HDAC9: variants seen among roughly 807,000 people sequenced by gnomAD.
The protein encoded by HDAC9 is MEF-2 interacting transcription repressor (MITR) protein.
In HDAC9, 41 loss-of-function variants were observed where a neutral mutation model predicts 139.4. That is an observed-to-expected ratio of 0.29 (90% CI 0.23 to 0.38). The LOEUF is 0.38. HDAC9 is among the 10% of genes least tolerant of loss of function. The probability of loss-of-function intolerance (pLI) is 1.00; values close to 1 mark genes in which losing one functional copy is unlikely to be tolerated. For missense variants in HDAC9, 1,147 were observed against 1,297.0 expected, an observed-to-expected ratio of 0.88 and a Z score of 1.78; for synonymous variants, 517 against 476.2, an observed-to-expected ratio of 1.09 and a Z score of -1.12.
At chr7:18,100,955 C>A (rs1782816828) in intron 1 of HDAC9, among the ~76,000 whole-genome samples, 1 of 152,042 alleles carries the variant, frequency 6.6e-6, no homozygotes, top group Non-Finnish European at 1.5e-5. Context: ...GTACTCTACC[C>A]AACACCCCAT....
At chr7:18,424,272 T>G (rs1293407318) in intron 1 of HDAC9, among the ~76,000 whole-genome samples, 2 of 152,150 alleles carry the variant, frequency 1.3e-5, no homozygotes, top group Non-Finnish European at 2.9e-5. Flanking sequence ...GCAAACAGAT[T>G]TAGGTTCAAA....
chr7:18,835,166 G>A (rs1208180266), intron 19 of HDAC9, among the ~76,000 whole-genome samples: 2 of 152,082 alleles, frequency 1.3e-5, no homozygotes, highest in Non-Finnish European at 2.9e-5. Flanking sequence ...TGTACCAAAG[G>A]ACTGGGCTTT....
chr7:18,452,744 C>G (rs1183948170), intron 1 of HDAC9, among the ~76,000 whole-genome samples: 1 of 152,108 alleles, frequency 6.6e-6, no homozygotes, highest in Admixed American at 6.6e-5. Flanking sequence ...GGCAGTTCCC[C>G]TGCACATGCT....
At chr7:18,678,077 A>T (rs764203168) in intron 12 of HDAC9, among the ~76,000 whole-genome samples, 1 of 151,878 alleles carries the variant, frequency 6.6e-6, no homozygotes, top group East Asian at 1.9e-4. Context: ...CCTTTGAATT[A>T]TTCTGGTCTA....
chr7:18,680,159 C>G (rs769256938), intron 12 of HDAC9, among the ~76,000 whole-genome samples: 1 of 151,930 alleles, frequency 6.6e-6, no homozygotes, highest in African/African-American at 2.4e-5. Flanking sequence ...TGTTCTTGAC[C>G]AAAAGCCTAG....
At chr7:18,494,737 C>G (rs1246472497), upstream of HDAC9, among the ~76,000 whole-genome samples, 1 of 152,038 alleles carries the variant, frequency 6.6e-6, no homozygotes, top group African/African-American at 2.4e-5. Flanking sequence ...GTTAGGAGGT[C>G]CATATTTCGG....
At chr7:18,563,112 G>A (rs921506370) in intron 2 of HDAC9, among the ~76,000 whole-genome samples, 1 of 151,980 alleles carries the variant, frequency 6.6e-6, no homozygotes, top group Non-Finnish European at 1.5e-5. Flanking sequence ...TTTTGTGATG[G>A]CTAAGAAAGG....
intron 1 of HDAC9, among the ~76,000 whole-genome samples, chr7:18,135,446 T>TC (rs1338844354): frequency 9.9e-6 from 1 of 101,068 alleles, no homozygotes; most frequent in Non-Finnish European, 1.9e-5. Context: ...ATGCTATCCC[T>TC]CCCCCCTCCC....
At chr7:18,176,558 A>G (rs1480645498) in intron 2 of HDAC9, among the ~76,000 whole-genome samples, 2 of 152,162 alleles carry the variant, frequency 1.3e-5, no homozygotes, top group African/African-American at 4.8e-5. Flanking sequence ...CTATCATTTT[A>G]TGTGTATTGA....
intron 6 of HDAC9, among the ~76,000 whole-genome samples, chr7:18,625,946 C>CAAAAAAA (rs11312304): frequency 4.9e-5 from 3 of 60,976 alleles, no homozygotes; most frequent in African/African-American, 8.5e-5. Context: ...GACTCCATCT[C>CAAAAAAA]AAAAAAAAAA....
chr7:18,723,606 T>G (rs1785301487), intron 12 of HDAC9, among the ~76,000 whole-genome samples: 1 of 152,190 alleles, frequency 6.6e-6, no homozygotes, highest in South Asian at 2.1e-4. Flanking sequence ...TACTGAATTG[T>G]GAAATTTTAT....
At chr7:18,440,808 A>C (rs187896238) in intron 1 of HDAC9, among the ~76,000 whole-genome samples, 27 of 152,338 alleles carry the variant, frequency 1.8e-4, no homozygotes, top group Admixed American at 6.5e-4. Flanking sequence ...AAGACATGTA[A>C]AACTCAGGAA....
intron 2 of HDAC9, among the ~76,000 whole-genome samples, chr7:18,178,633 T>C (rs1448913984): frequency 6.6e-6 from 1 of 152,218 alleles, no homozygotes; most frequent in East Asian, 1.9e-4. Flanking sequence ...TGTATTGTGG[T>C]TAAGAATAGT....
At chr7:18,979,501 A>G (rs1784759472) in intron 25 of HDAC9, among the ~76,000 whole-genome samples, 1 of 152,220 alleles carries the variant, frequency 6.6e-6, no homozygotes, top group African/African-American at 2.4e-5. Flanking sequence ...GTACTTGTTT[A>G]GGTAACTAAG....
At chr7:18,665,756 G>T (rs192721314) in intron 11 of HDAC9, among the ~76,000 whole-genome samples, 1,852 of 152,162 alleles carry the variant, frequency 0.012, 34 homozygotes, top group African/African-American at 0.042. Flanking sequence ...AAGACTATTA[G>T]CATTTGTGTT....
intron 12 of HDAC9, among the ~76,000 whole-genome samples, chr7:18,704,444 TAAG>T (rs544278391): frequency 1.1e-3 from 160 of 152,350 alleles, no homozygotes; most frequent in Non-Finnish European, 1.9e-3. Flanking sequence ...TCCCATATTT[TAAG>T]AAGCCATTCT....
intron 23 of HDAC9, 42 bp downstream of exon 23, chr7:18,935,984 G>C: frequency 6.3e-7 from 1 of 1,577,546 alleles, no homozygotes; most frequent in Non-Finnish European, 8.6e-7. Context: ...TAAAGAATCA[G>C]GGATGTATGC....
rs531180525 is a variant in HDAC9, at chr7:18,919,250, G to A, written c.2804-16559G>A. Among the ~76,000 whole-genome samples, 713 of 151,968 alleles carry A rather than the reference G, an allele frequency of 4.7e-3. 1 individual carries two copies. The highest frequency in any genetic ancestry group is 7.6e-3 in the Non-Finnish European group (518 of 67,928). On this transcript the variant is annotated intron_variant, in intron 22 of 25. Coordinates refer to ENST00000686413, the MANE Select transcript of HDAC9 (RefSeq NM_178425.4). The stretch of plus-strand genomic sequence containing the variant: ...CTAAACTATTTATTTACTATTTTTG[G>A]AAGGTTTTCTTCATGTTGGCATGTA...
At chr7:18,346,650 CT>C (rs913360987) in intron 1 of HDAC9, among the ~76,000 whole-genome samples, 2 of 152,104 alleles carry the variant, frequency 1.3e-5, no homozygotes, top group African/African-American at 4.8e-5. Flanking sequence ...CTCTCAGAAT[CT>C]TCTCCTTCCC....
Sources: gnomAD v4.1 joint callset for allele counts (sites outside exome capture counted in the v4.1 genomes callset) on GRCh38, gnomAD v4.1.1 for gene constraint, MANE v1.5 for transcripts, NCBI Gene and HGNC (gene_info 2026-07-23, HGNC 2026-07-21) for gene names.